Variants in RAB38 observed in about 807,000 individuals in gnomAD.
The protein encoded by RAB38 is ras-related protein Rab-38.
In RAB38, 15 loss-of-function variants were observed where a neutral mutation model predicts 18.4. The ratio of observed to expected loss-of-function variants is 0.82; its 90% CI spans 0.55 to 1.26. The LOEUF is 1.26. RAB38 is among the 50% of genes most tolerant of loss of function. RAB38 has a pLI of 0.00. For missense variants in RAB38, 294 were observed against 267.4 expected (o/e 1.10, Z -0.69); for synonymous variants, 101 against 104.4 (o/e 0.97, Z 0.20).
chr11:88,154,436 C>T (rs1943101045), intron 1 of RAB38, among the ~76,000 whole-genome samples: 1 of 152,160 alleles, frequency 6.6e-6, no homozygotes, highest in Non-Finnish European at 1.5e-5. Flanking sequence ...GCAGTTTCTA[C>T]TGGGCAGTAA....
At chr11:88,039,639 G>A in the RAB38 span, among the ~76,000 whole-genome samples, 1 of 152,206 alleles carries the variant, frequency 6.6e-6, no homozygotes, top group Admixed American at 6.5e-5. Flanking sequence ...AAGGACTGAA[G>A]GGGAGTCTAC....
At chr11:88,025,538 CTGT>C in the RAB38 span, among the ~76,000 whole-genome samples, 1 of 152,164 alleles carries the variant, frequency 6.6e-6, no homozygotes. Context: ...CTTGCCAAAT[CTGT>C]TGTTTTTTGA....
chr11:88,150,073 G>T, intron 1 of RAB38, 118 bp from the exon 2 acceptor site: 1 of 1,096,376 alleles, frequency 9.1e-7, no homozygotes, highest in Non-Finnish European at 1.3e-6. Context: ...CGTCTTTACT[G>T]ATAATCTTTA....
chr11:88,175,086 T>A lies in RAB38; in HGVS notation c.202+97A>T. ...CAGGAAAAACTGCCTCGCGACCTAG[T>A]GATTTTAATCTCACGCTTGGCCGCA... On this transcript the variant is annotated intron_variant, in intron 1 of 2. Coordinates refer to ENST00000243662, the MANE Select transcript of RAB38 (RefSeq NM_022337.3). 4.5e-6 allele frequency: 6 copies of A among 1,346,068 alleles called. No individual in the cohort carries two copies. In the South Asian group the frequency reaches 7.5e-5, roughly 17 times the overall value. The allele number at this position is 1,346,068 out of a possible 1,614,324, so 83.4% of individuals were successfully genotyped here. A position where few individuals can be genotyped will look rare whatever the true frequency, so the allele number is the denominator to read the frequency against.
chr11:88,134,312 C>T (rs1446122580), intron 2 of RAB38, among the ~76,000 whole-genome samples: 1 of 152,166 alleles, frequency 6.6e-6, no homozygotes, highest in African/African-American at 2.4e-5. Flanking sequence ...GCAATCTAGG[C>T]TCACTGCAAC....
the RAB38 span, among the ~76,000 whole-genome samples, chr11:88,056,832 AATACATAC>A: frequency 2.0e-4 from 9 of 45,502 alleles, no homozygotes; most frequent in Non-Finnish European, 4.5e-4. Context: ...TAAATAAATA[AATACATAC>A]ATACATACAT....
the RAB38 span, among the ~76,000 whole-genome samples, chr11:88,009,456 C>T: frequency 6.6e-6 from 1 of 152,090 alleles, no homozygotes; most frequent in East Asian, 1.9e-4. Context: ...CAGGAGGATT[C>T]TGGGGAGAAG....
chr11:88,087,444 G>T, the RAB38 span, among the ~76,000 whole-genome samples: 2 of 151,934 alleles, frequency 1.3e-5, no homozygotes, highest in African/African-American at 4.8e-5. Flanking sequence ...CCCCAACTTT[G>T]CAGCTTAGCC....
At chr11:88,112,089 G>A (rs1164595720), downstream of RAB38, among the ~76,000 whole-genome samples, 1 of 152,178 alleles carries the variant, frequency 6.6e-6, no homozygotes, top group Non-Finnish European at 1.5e-5. Flanking sequence ...CCTCATATAA[G>A]TAGAGTATCT....
At chr11:87,971,065 C>T in the RAB38 span, among the ~76,000 whole-genome samples, 1 of 152,050 alleles carries the variant, frequency 6.6e-6, no homozygotes, top group East Asian at 1.9e-4. Flanking sequence ...GGCCACATTC[C>T]AATGGGGCAG....
At chr11:88,153,483 T>C (rs1474325480) in intron 1 of RAB38, among the ~76,000 whole-genome samples, 1 of 152,098 alleles carries the variant, frequency 6.6e-6, no homozygotes, top group Non-Finnish European at 1.5e-5. Context: ...CTGCCCCTCC[T>C]CTCCCCCAGC....
At chr11:88,148,958 T>A (rs1244757823) in intron 2 of RAB38, among the ~76,000 whole-genome samples, 1 of 152,036 alleles carries the variant, frequency 6.6e-6, no homozygotes, top group East Asian at 1.9e-4. Flanking sequence ...ATTTTTTAAA[T>A]ACAGGCAAAA....
the RAB38 span, among the ~76,000 whole-genome samples, chr11:88,035,937 G>A: frequency 5.9e-5 from 9 of 151,292 alleles, no homozygotes; most frequent in Non-Finnish European, 1.2e-4. Context: ...TCAAACCACT[G>A]CTTTTAAAAA....
the RAB38 span, among the ~76,000 whole-genome samples, chr11:87,852,179 T>C: frequency 1.3e-5 from 2 of 152,072 alleles, no homozygotes; most frequent in East Asian, 1.9e-4. Context: ...AGAGCACCTG[T>C]CACATGAAGG....
At chr11:88,077,019 AAAAGAAAAG>A in the RAB38 span, among the ~76,000 whole-genome samples, 219 of 118,230 alleles carry the variant, frequency 1.9e-3, 2 homozygotes, top group Non-Finnish European at 2.7e-3. Context: ...AAAAGAAAAG[AAAAGAAAAG>A]AAAGAAAGCA....
chr11:87,842,135 G>T, the RAB38 span, among the ~76,000 whole-genome samples: 1 of 152,132 alleles, frequency 6.6e-6, no homozygotes, highest in South Asian at 2.1e-4. Context: ...GAATAAAGAA[G>T]AACATGTCAG....
At chr11:87,890,018 T>C in the RAB38 span, among the ~76,000 whole-genome samples, 1 of 151,798 alleles carries the variant, frequency 6.6e-6, no homozygotes, top group Non-Finnish European at 1.5e-5. Flanking sequence ...TTATTTAATA[T>C]TTGTGAAAAA....
the RAB38 span, among the ~76,000 whole-genome samples, chr11:88,044,737 CTG>C: frequency 6.6e-6 from 1 of 152,140 alleles, no homozygotes; most frequent in Non-Finnish European, 1.5e-5. Flanking sequence ...TCCCTCCCAC[CTG>C]TCCTCTCAGT....
intron 2 of RAB38, among the ~76,000 whole-genome samples, chr11:88,127,431 T>TTGAG (rs945143766): frequency 1.8e-4 from 27 of 152,308 alleles, no homozygotes; most frequent in African/African-American, 5.5e-4. Flanking sequence ...TAATGCTGTA[T>TTGAG]CTCAGAGAGC....
Sources: gnomAD v4.1 joint callset for allele counts (sites outside exome capture counted in the v4.1 genomes callset) on GRCh38, gnomAD v4.1.1 for gene constraint, MANE v1.5 for transcripts, NCBI Gene and HGNC (gene_info 2026-07-23, HGNC 2026-07-21) for gene names.